Variants in CCDC125 observed in about 807,000 individuals in gnomAD.
CCDC125 encodes the protein coiled-coil domain containing 125.
A neutral mutation model predicts 57.4 loss-of-function variants in CCDC125; 43 were observed. The observed-to-expected ratio is 0.75, with a 90% CI of 0.59 to 0.97. CCDC125 has a LOEUF of 0.97. Ranked by LOEUF, CCDC125 falls within the 50% of genes least tolerant of loss-of-function variation. The pLI is 0.00. For synonymous variants in CCDC125, 187 were observed against 195.2 expected, an observed-to-expected ratio of 0.96 and a Z score of 0.35; for missense variants, 563 against 595.7, an observed-to-expected ratio of 0.95 and a Z score of 0.57.
At position 69,287,464 on chromosome 5, in the gene CCDC125, T is replaced by C. The variant is rs1250218352; in HGVS notation, c.1100-1997A>G. On this transcript the variant is annotated intron_variant, in intron 10 of 11. Coordinates refer to ENST00000396496, the MANE Select transcript of CCDC125 (RefSeq NM_176816.5). Reference sequence around the variant, plus strand: ...TTTTAGTAGAGACAGGGTTTCTCCATGTTGGTCAGGCTGGTCTCAAATTCC... The same window carrying C: ...TTTTAGTAGAGACAGGGTTTCTCCACGTTGGTCAGGCTGGTCTCAAATTCC... 2.0e-5 allele frequency among the ~76,000 whole-genome samples: 3 copies of C among 152,064 alleles called. No homozygotes were observed. The East Asian group carries it at 5.8e-4, about 29-fold the overall frequency.
At chr5:69,288,544 C>T (rs1163569606) in intron 10 of CCDC125, among the ~76,000 whole-genome samples, 1 of 152,180 alleles carries the variant, frequency 6.6e-6, no homozygotes, top group Non-Finnish European at 1.5e-5. Flanking sequence ...GTGCCTTGCC[C>T]TGTCCATCTC....
At chr5:69,312,483 C>T (rs999639120) in intron 3 of CCDC125, among the ~76,000 whole-genome samples, 1 of 152,180 alleles carries the variant, frequency 6.6e-6, no homozygotes, top group Non-Finnish European at 1.5e-5. Flanking sequence ...ACAGACACCC[C>T]TCGCAGAAAC....
At chr5:69,294,625 A>G (rs1264366165) in intron 9 of CCDC125, among the ~76,000 whole-genome samples, 168 bp downstream of exon 9, 4 of 152,222 alleles carry the variant, frequency 2.6e-5, no homozygotes, top group African/African-American at 9.6e-5. Flanking sequence ...TTTTGGAACC[A>G]GGTAAACAAA....
chr5:69,279,365 A>T (rs534702226), downstream of CCDC125, among the ~76,000 whole-genome samples: 168 of 151,784 alleles, frequency 1.1e-3, no homozygotes, highest in Middle Eastern at 0.01. Flanking sequence ...CCCAGCTAAT[A>T]TTTTGTATTT....
At chr5:69,296,953 G>C (rs1755428593) in intron 8 of CCDC125, among the ~76,000 whole-genome samples, 1 of 152,156 alleles carries the variant, frequency 6.6e-6, no homozygotes, top group African/African-American at 2.4e-5. Flanking sequence ...AACAGAGCAA[G>C]ACTCTGTCTC....
intron 10 of CCDC125, among the ~76,000 whole-genome samples, chr5:69,288,525 C>G (rs1253154137): frequency 6.6e-6 from 1 of 152,140 alleles, no homozygotes; most frequent in African/African-American, 2.4e-5. Flanking sequence ...AGAGAGCATC[C>G]CTTCCCACGT....
At chr5:69,329,764 A>G (rs945363881) in intron 1 of CCDC125, among the ~76,000 whole-genome samples, 7 of 152,064 alleles carry the variant, frequency 4.6e-5, no homozygotes, top group African/African-American at 1.7e-4. Flanking sequence ...CGGCCTCCCA[A>G]AGTGCTGGGA....
chr5:69,287,412 T>C (rs1391763178), intron 10 of CCDC125, among the ~76,000 whole-genome samples: 1 of 150,354 alleles, frequency 6.7e-6, no homozygotes, highest in Non-Finnish European at 1.5e-5. Context: ...TACAGGCTTG[T>C]GCCACCACAC....
At chr5:69,290,329 G>A (rs1231193382) in intron 10 of CCDC125, among the ~76,000 whole-genome samples, 1 of 150,532 alleles carries the variant, frequency 6.6e-6, no homozygotes, top group Non-Finnish European at 1.5e-5. Context: ...TTGAGACAGA[G>A]TCTTGCTCTG....
intron 2 of CCDC125, among the ~76,000 whole-genome samples, chr5:69,315,241 GCAAGGCTCTGTCTCGA>G (rs1334710300): frequency 1.4e-5 from 2 of 145,920 alleles, no homozygotes; most frequent in Non-Finnish European, 3.0e-5. Flanking sequence ...GGGAGACAGA[GCAAGGCTCTGTCTCGA>G]AAAAATAAAA....
Position 69,294,889 on chromosome 5 carries a change from G to A in CCDC125, c.828C>T (p.Leu276=), listed in dbSNP as rs374738926. Residue 276 remains leucine, a synonymous_variant, in exon 9 of 12, where the codon CTC becomes CTT. Transcript: ENST00000396496. ...CGGGCCCATGACAAAGGCAGGCTCC[G>A]AGGACCGCAAGCTTTAAATTGAAAA... ...AEASGLELAV[L]GACLCHGPGG... 3.7e-5 allele frequency: 60 copies of A among 1,613,266 alleles called. No individual in the cohort carries two copies. The Admixed American group carries it at 6.7e-4, about 18-fold the overall frequency.
intron 9 of CCDC125, among the ~76,000 whole-genome samples, chr5:69,294,505 C>A (rs1394456168): frequency 6.6e-6 from 1 of 152,154 alleles, no homozygotes; most frequent in Non-Finnish European, 1.5e-5. Context: ...GTTGGCCAGG[C>A]TGGTCTTAAA....
downstream of CCDC125, chr5:69,276,572 G>T (rs980188334): frequency 6.2e-7 from 1 of 1,613,290 alleles, no homozygotes; most frequent in Non-Finnish European, 8.5e-7. Flanking sequence ...TCAGTAATCG[G>T]CCAGGGCCAA....
At chr5:69,319,159 C>T (rs932011296) in intron 2 of CCDC125, among the ~76,000 whole-genome samples, 2 of 151,998 alleles carry the variant, frequency 1.3e-5, no homozygotes, top group Non-Finnish European at 2.9e-5. Context: ...AGCTCCTGAC[C>T]TCAAGTGATC....
chr5:69,284,857 C>T (rs951927862), intron 11 of CCDC125, among the ~76,000 whole-genome samples: 4 of 152,066 alleles, frequency 2.6e-5, no homozygotes, highest in African/African-American at 7.2e-5. Flanking sequence ...TTTGGGATGC[C>T]GAGGTGGGCA....
At chr5:69,313,499 T>G in intron 3 of CCDC125, 1 of 951,024 alleles carries the variant, frequency 1.1e-6, no homozygotes, top group South Asian at 1.3e-5. Flanking sequence ...AGCTTCTTGT[T>G]GATGGCGTCC....
chr5:69,327,920 T>C (rs963023101), intron 1 of CCDC125, among the ~76,000 whole-genome samples: 1 of 152,164 alleles, frequency 6.6e-6, no homozygotes, highest in Non-Finnish European at 1.5e-5. Context: ...GGAATAAAAG[T>C]GTCCTTTTGG....
At chr5:69,299,572 A>T (rs189827360) in intron 8 of CCDC125, among the ~76,000 whole-genome samples, 1 of 152,090 alleles carries the variant, frequency 6.6e-6, no homozygotes, top group Non-Finnish European at 1.5e-5. Flanking sequence ...CCACAGATTG[A>T]CCTTGCCACC....
chr5:69,304,422 C>CTTTTTT (rs35397437), intron 6 of CCDC125, among the ~76,000 whole-genome samples: 3 of 134,004 alleles, frequency 2.2e-5, no homozygotes, highest in Non-Finnish European at 4.7e-5. Flanking sequence ...TAAACATACC[C>CTTTTTT]TTTTTTTTTT....
Sources: gnomAD v4.1 joint callset for allele counts (sites outside exome capture counted in the v4.1 genomes callset) on GRCh38, gnomAD v4.1.1 for gene constraint, MANE v1.5 for transcripts, NCBI Gene and HGNC (gene_info 2026-07-23, HGNC 2026-07-21) for gene names.